Variants in LNPEP observed in about 807,000 individuals in gnomAD.
LNPEP encodes leucyl-cystinyl aminopeptidase.
LNPEP carries 64 observed loss-of-function variants against 120.6 expected under a neutral mutation model. The observed-to-expected ratio is 0.53, with a 90% CI of 0.43 to 0.65. The LOEUF (loss-of-function observed/expected upper bound fraction) is 0.65, where lower values mean the gene tolerates loss of function less well. Among genes scored for constraint, LNPEP ranks in the 30% least tolerant of loss-of-function variants. LNPEP has a pLI of 0.00. For synonymous variants in LNPEP, 435 were observed against 425.4 expected, an observed-to-expected ratio of 1.02 and a Z score of -0.28; for missense variants, 1,057 against 1,200.0, an observed-to-expected ratio of 0.88 and a Z score of 1.76.
Position 96,954,781 on chromosome 5 carries a change from T to A in LNPEP, c.19+18607T>A, listed in dbSNP as rs1188190151. ...ATATATATATATATATATTTTTTTT[T>A]TTTTTTTTTTTTTTTTTTTGAGACA... On this transcript the variant is annotated intron_variant, in intron 1 of 17. Transcript: ENST00000231368. Among the ~76,000 whole-genome samples, 8 of 77,806 alleles carry A rather than the reference T, an allele frequency of 1.0e-4. 2 individuals are homozygous for A. Among genetic ancestry groups the A allele is most frequent in the African/African-American group, 3.6e-4 (7 of 19,682 alleles). 51.0% of individuals were successfully genotyped at this position (77,806 alleles called of 152,430 possible).
intron 1 of LNPEP, among the ~76,000 whole-genome samples, chr5:96,968,134 G>A (rs189580338): frequency 2.0e-5 from 3 of 152,182 alleles, no homozygotes; most frequent in Admixed American, 2.0e-4. Context: ...CAAATAGTGT[G>A]CATAATTTCC....
intron 1 of LNPEP, among the ~76,000 whole-genome samples, chr5:96,967,793 A>T (rs1275786122): frequency 2.6e-5 from 4 of 152,102 alleles, no homozygotes; most frequent in Non-Finnish European, 5.9e-5. Context: ...AATATATTAG[A>T]TTATTGCTAC....
chr5:97,005,474 C>G (rs755980507), intron 9 of LNPEP, among the ~76,000 whole-genome samples: 3 of 152,106 alleles, frequency 2.0e-5, no homozygotes, highest in Non-Finnish European at 2.9e-5. Context: ...GCTGTGACCA[C>G]TAAAGTAGTT....
Position 96,986,625 on chromosome 5 carries a change from T to C in LNPEP, c.1086T>C (p.Ile362=). 1 of 1,613,652 alleles carries C rather than the reference T, an allele frequency of 6.2e-7. No homozygotes were observed. ...VKMSTYLVAF[I]VGEMKNLSQD... ...TGAGCACTTACTTGGTTGCTTTCAT[T>C]GTGGGAGAGATGAAGAACCTGAGTC... is the stretch of plus-strand genomic sequence containing the variant. The change falls in exon 4 of 18, where the codon ATT becomes ATC. Residue 362 remains isoleucine, a synonymous_variant. Coordinates refer to ENST00000231368, the MANE Select transcript of LNPEP (RefSeq NM_005575.3).
At position 96,993,809 on chromosome 5, in the gene LNPEP, A is replaced by T. The variant is rs753522878; in HGVS notation, c.1253-8A>T. The T allele has an allele frequency of 6.2e-7, 1 of 1,613,128 alleles. No homozygotes were observed. Among genetic ancestry groups the T allele is most frequent in the South Asian group, 1.1e-5 (1 of 90,904 alleles). ...GAAAGTTGATCACTTATTTCCTGTT[A>T]TGTCCAGATTTGGTGGCTATTCCTG... On this transcript the variant is annotated splice_region_variant and splice_polypyrimidine_tract_variant and intron_variant, in intron 5 of 17. Transcript: ENST00000231368.
At position 97,029,377 on chromosome 5, in the gene LNPEP, T is replaced by C. The variant is rs2112679014; in HGVS notation, c.*844T>C. 6.6e-6 allele frequency: 1 copy of C among 152,490 alleles called. No individual in the cohort carries two copies. The highest frequency in any genetic ancestry group is 2.1e-4 in the South Asian group (1 of 4,828). 9.4% of individuals were successfully genotyped at this position (152,490 alleles called of 1,614,324 possible). On this transcript the variant is annotated 3_prime_UTR_variant, in exon 18 of 18. Transcript: ENST00000231368. ...CTGCCGTAGATATACTTTAGGTTAG[T>C]ATTTCTACATTCGTGGCAAGCATTT...
chr5:96,978,139 C>T (rs1310780342), intron 1 of LNPEP, among the ~76,000 whole-genome samples: 1 of 151,904 alleles, frequency 6.6e-6, no homozygotes, highest in Non-Finnish European at 1.5e-5. Flanking sequence ...TTTTGAGATC[C>T]CTTAAAAACT....
intron 8 of LNPEP, among the ~76,000 whole-genome samples, chr5:97,000,991 G>A (rs775205391): frequency 6.6e-6 from 1 of 152,206 alleles, no homozygotes; most frequent in Non-Finnish European, 1.5e-5. Flanking sequence ...GATGAAGTTA[G>A]AGGGACTGTA....
chr5:97,004,324 C>G, intron 9 of LNPEP, among the ~76,000 whole-genome samples: 1 of 152,010 alleles, frequency 6.6e-6, no homozygotes, highest in Non-Finnish European at 1.5e-5. Flanking sequence ...ACCAGCCTGG[C>G]CAATATGGTG....
At chr5:96,974,870 T>G (rs1789951283) in intron 1 of LNPEP, among the ~76,000 whole-genome samples, 1 of 152,108 alleles carries the variant, frequency 6.6e-6, no homozygotes, top group South Asian at 2.1e-4. Context: ...TTTTCCTACC[T>G]TTGGTCCATT....
chr5:97,019,178 A>T (rs1263552643), intron 13 of LNPEP, among the ~76,000 whole-genome samples: 1 of 152,190 alleles, frequency 6.6e-6, no homozygotes. Context: ...GCATTTTATT[A>T]CAAATCCAGT....
At chr5:96,993,527 C>T (rs571210570) in intron 5 of LNPEP, among the ~76,000 whole-genome samples, 3 of 152,200 alleles carry the variant, frequency 2.0e-5, no homozygotes, top group East Asian at 3.9e-4. Context: ...GAGTATTGGC[C>T]GTGAACTTTG....
chr5:96,980,114 G>A, intron 2 of LNPEP, 136 bp downstream of exon 2: 1 of 789,976 alleles, frequency 1.3e-6, no homozygotes, highest in Non-Finnish European at 1.9e-6. Context: ...TAGTAGAATG[G>A]TGATTTAGAA....
chr5:96,992,180 G>A (rs865851653), intron 4 of LNPEP, among the ~76,000 whole-genome samples: 1 of 152,268 alleles, frequency 6.6e-6, no homozygotes, highest in African/African-American at 2.4e-5. Flanking sequence ...GAGTGAGCAA[G>A]AATTGCAATT....
chr5:97,006,160 G>C lies in LNPEP; in HGVS notation c.1873G>C (p.Gly625Arg). The C allele has an allele frequency of 2.5e-6, 4 of 1,602,640 alleles. No homozygotes were observed. Among genetic ancestry groups the C allele is most frequent in the Non-Finnish European group, 3.4e-6 (4 of 1,174,124 alleles). The change falls in exon 10 of 18, where the codon GGA (glycine) becomes CGA (arginine). Residue 625 changes from glycine to arginine, a missense_variant. Physicochemically the swap from Gly to Arg is moderately radical, Grantham distance 125 (BLOSUM62 -2). Transcript: ENST00000231368. ...GFPLVTVQKK[G>R]KELFIQQERF... Reference sequence around the variant, plus strand: ...TCCTTTAGTGACTGTTCAAAAGAAAGGAAAGGAACTTTTTATACAACAAGA... The same window carrying C: ...TCCTTTAGTGACTGTTCAAAAGAAACGAAAGGAACTTTTTATACAACAAGA...
intron 1 of LNPEP, among the ~76,000 whole-genome samples, chr5:96,974,098 A>C (rs771569361): frequency 1.3e-4 from 20 of 152,164 alleles, no homozygotes; most frequent in Non-Finnish European, 2.8e-4. Flanking sequence ...GCTGGTAAGA[A>C]GTGCTGAAGA....
chr5:97,018,457 TG>T (rs1791116379), intron 13 of LNPEP, among the ~76,000 whole-genome samples: 1 of 152,228 alleles, frequency 6.6e-6, no homozygotes, highest in African/African-American at 2.4e-5. Flanking sequence ...ATCTAGGGAC[TG>T]ATGGATAGAG....
chr5:96,963,800 T>C (rs763734369), intron 1 of LNPEP, among the ~76,000 whole-genome samples: 2 of 152,216 alleles, frequency 1.3e-5, no homozygotes, highest in African/African-American at 2.4e-5. Context: ...ATTTATGGGG[T>C]ATAATTCCAT....
At chr5:96,974,800 T>G (rs763909282) in intron 1 of LNPEP, among the ~76,000 whole-genome samples, 57 of 152,230 alleles carry the variant, frequency 3.7e-4, no homozygotes, top group Non-Finnish European at 6.8e-4. Flanking sequence ...TTCTAAAATA[T>G]TTAATGCTGG....
Sources: allele counts gnomAD v4.1 joint callset (sites outside exome capture counted in the v4.1 genomes callset), GRCh38; gene constraint gnomAD v4.1.1; transcripts MANE v1.5; gene names NCBI Gene and HGNC (gene_info 2026-07-23, HGNC 2026-07-21).